The following KCNIP4 variants were observed in gnomAD, a reference collection of about 807,000 sequenced individuals.
The protein encoded by KCNIP4 is potassium voltage-gated channel interacting protein 4.
In KCNIP4, 12 loss-of-function variants were observed where a neutral mutation model predicts 34.0. The observed-to-expected ratio is 0.35, with a 90% CI of 0.23 to 0.57. KCNIP4 has a LOEUF of 0.57. Ranked by LOEUF, KCNIP4 falls within the 20% of genes least tolerant of loss-of-function variation. KCNIP4 has a pLI of 0.83. For synonymous variants in KCNIP4, 124 were observed against 102.2 expected (o/e 1.21, Z -1.29); for missense variants, 238 against 311.7 (o/e 0.76, Z 1.78).
chr4:20,907,028 CAGT>C (rs1727840933), intron 1 of KCNIP4, among the ~76,000 whole-genome samples: 1 of 152,160 alleles, frequency 6.6e-6, no homozygotes, highest in Admixed American at 6.5e-5. Context: ...TTCTGCCACA[CAGT>C]AGACACACAA....
chr4:20,864,067 T>C (rs896017231), intron 2 of KCNIP4, among the ~76,000 whole-genome samples: 5 of 151,692 alleles, frequency 3.3e-5, no homozygotes, highest in Non-Finnish European at 7.4e-5. Context: ...CACATGTATG[T>C]ATACGTATGT....
At chr4:21,477,635 G>A (rs1020955887) in intron 1 of KCNIP4, among the ~76,000 whole-genome samples, 14 of 152,240 alleles carry the variant, frequency 9.2e-5, no homozygotes, top group East Asian at 1.9e-4. Flanking sequence ...ATTTAAGAGA[G>A]CAATAAATGA....
At chr4:21,806,120 T>C (rs1721277155) in intron 1 of KCNIP4, among the ~76,000 whole-genome samples, 2 of 152,212 alleles carry the variant, frequency 1.3e-5, no homozygotes, top group Non-Finnish European at 2.9e-5. Context: ...GCTTAAATGT[T>C]ACCAAAACAT....
intron 1 of KCNIP4, among the ~76,000 whole-genome samples, chr4:21,589,436 G>A (rs1741993833): frequency 1.3e-5 from 2 of 150,508 alleles, no homozygotes; most frequent in Non-Finnish European, 1.5e-5. Context: ...TAGCTAAGCT[G>A]AGCCTTAAAG....
intron 1 of KCNIP4, among the ~76,000 whole-genome samples, chr4:21,534,596 T>G (rs1736999022): frequency 6.6e-6 from 1 of 152,160 alleles, no homozygotes; most frequent in African/African-American, 2.4e-5. Flanking sequence ...AGGGATAATG[T>G]GACACAGGTA....
intron 4 of KCNIP4, among the ~76,000 whole-genome samples, chr4:20,751,992 C>T (rs892962010): frequency 4.6e-5 from 7 of 151,702 alleles, no homozygotes; most frequent in Non-Finnish European, 7.4e-5. Flanking sequence ...AGTTGTTTTA[C>T]CTTTGTGTGG....
chr4:21,693,363 C>T (rs1007636470), intron 1 of KCNIP4, among the ~76,000 whole-genome samples: 5 of 152,102 alleles, frequency 3.3e-5, no homozygotes, highest in Admixed American at 2.0e-4. Context: ...GAGTTCAAGA[C>T]CAGCCTGGCC....
At chr4:21,268,894 G>A (rs1372904453) in intron 1 of KCNIP4, among the ~76,000 whole-genome samples, 6 of 152,334 alleles carry the variant, frequency 3.9e-5, no homozygotes, top group African/African-American at 1.4e-4. Flanking sequence ...CCTAGGCTAA[G>A]GTGCATGTGG....
chr4:21,645,735 T>C lies in KCNIP4; in HGVS notation c.61+302836A>G, dbSNP rs183121664. ...AATTTCACGTCTGTCTGGGATGCGC[T>C]GCTCAGATGGGCTGTATGAGTGGCA... On this transcript the variant is annotated intron_variant, in intron 1 of 8. Transcript: ENST00000382152. Among the ~76,000 whole-genome samples the C allele has an allele frequency of 2.9e-3, 445 of 152,274 alleles. 2 individuals carry two copies. The highest frequency in any genetic ancestry group is 0.01 in the Middle Eastern group (3 of 292).
chr4:20,973,957 T>G (rs1735233285), intron 1 of KCNIP4, among the ~76,000 whole-genome samples: 1 of 152,118 alleles, frequency 6.6e-6, no homozygotes, highest in Admixed American at 6.5e-5. Context: ...CAAAGATCAC[T>G]AAAATATATA....
chr4:20,924,747 T>G (rs73242568), intron 1 of KCNIP4, among the ~76,000 whole-genome samples: 16,895 of 152,204 alleles, frequency 0.11, 1,128 homozygotes, highest in African/African-American at 0.2. Flanking sequence ...AACTTCAAAA[T>G]TAACTTTTAA....
chr4:21,020,307 G>A (rs971122095), intron 1 of KCNIP4, among the ~76,000 whole-genome samples: 13 of 152,126 alleles, frequency 8.5e-5, no homozygotes, highest in African/African-American at 2.7e-4. Flanking sequence ...GGATGCTCAC[G>A]TTTCTTCAAT....
At chr4:21,120,629 TAA>T (rs755575235) in intron 1 of KCNIP4, among the ~76,000 whole-genome samples, 23 of 152,128 alleles carry the variant, frequency 1.5e-4, no homozygotes, top group Admixed American at 5.2e-4. Context: ...CTACCATTTA[TAA>T]AACCATCAGC....
At chr4:21,504,475 A>AAAAAAAAAAAAAAAAAAAGAAAG (rs1264431211) in intron 1 of KCNIP4, among the ~76,000 whole-genome samples, 2 of 101,880 alleles carry the variant, frequency 2.0e-5, no homozygotes, top group African/African-American at 7.8e-5. Flanking sequence ...CAAAAAAAAA[A>AAAAAAAAAAAAAAAAAAAGAAAG]AAAGAAAGAA....
intron 1 of KCNIP4, among the ~76,000 whole-genome samples, chr4:21,604,327 A>G (rs991600664): frequency 6.6e-6 from 1 of 152,152 alleles, no homozygotes; most frequent in Non-Finnish European, 1.5e-5. Context: ...TGCTCTTGCT[A>G]TCCATTTATA....
chr4:21,223,128 A>G (rs1368267637), intron 1 of KCNIP4, among the ~76,000 whole-genome samples: 1 of 152,184 alleles, frequency 6.6e-6, no homozygotes, highest in Non-Finnish European at 1.5e-5. Flanking sequence ...AGGATATCTG[A>G]TGGGTCCAGA....
intron 1 of KCNIP4, among the ~76,000 whole-genome samples, chr4:21,943,273 G>A (rs1730303640): frequency 6.6e-6 from 1 of 152,146 alleles, no homozygotes; most frequent in East Asian, 1.9e-4. Flanking sequence ...TATTTGGGGA[G>A]GAGTCAGGGA....
At chr4:21,262,596 C>T (rs1761542265) in intron 1 of KCNIP4, among the ~76,000 whole-genome samples, 1 of 152,166 alleles carries the variant, frequency 6.6e-6, no homozygotes, top group African/African-American at 2.4e-5. Flanking sequence ...AGGATCTTTG[C>T]TTGATATTGT....
chr4:21,817,057 C>T (rs1722031639), intron 1 of KCNIP4, among the ~76,000 whole-genome samples: 1 of 151,864 alleles, frequency 6.6e-6, no homozygotes, highest in Admixed American at 6.6e-5. Context: ...TAATGTTGAC[C>T]CTGTGTTCTC....
Sources: gnomAD v4.1 joint callset for allele counts (sites outside exome capture counted in the v4.1 genomes callset) on GRCh38, gnomAD v4.1.1 for gene constraint, MANE v1.5 for transcripts, NCBI Gene and HGNC (gene_info 2026-07-23, HGNC 2026-07-21) for gene names.